ZP4: variants seen among roughly 807,000 people sequenced by gnomAD.
ZP4 encodes the protein zona pellucida glycoprotein 4.
ZP4 carries 62 observed loss-of-function variants against 62.3 expected under a neutral mutation model. The observed-to-expected ratio is 0.99, with a 90% CI of 0.81 to 1.23. The LOEUF is 1.23. Among genes scored for constraint, ZP4 ranks in the 50% most tolerant of loss-of-function variants. The pLI, the probability that ZP4 is intolerant of heterozygous loss-of-function variation, is 0.00. For missense variants in ZP4, 774 were observed against 656.0 expected, an observed-to-expected ratio of 1.18 and a Z score of -1.97; for synonymous variants, 289 against 247.3, an observed-to-expected ratio of 1.17 and a Z score of -1.58.
At chr1:237,883,763 GAGAGAGAGGA>G (rs1183885257) in intron 10 of ZP4, among the ~76,000 whole-genome samples, 12,836 of 44,460 alleles carry the variant, frequency 0.29, 2,188 homozygotes, top group Middle Eastern at 0.35. Context: ...GAGAGAGAGG[GAGAGAGAGGA>G]AGAGAGAGGA....
At position 237,885,568 on chromosome 1, in the gene ZP4, C is replaced by T. The variant is rs775909119; in HGVS notation, c.983G>A (p.Gly328Asp). Residue 328 changes from glycine to aspartate, a missense_variant, in exon 8 of 12, where the codon GGC (glycine) becomes GAC (aspartate). Transcript: ENST00000366570. ...ELQIAKDKNY[G>D]SYYGVGDYPV... ...GTAGTCACCAACACCGTAGTAAGAGCCATAGTTTTTATCTGCAAGAGGCAG... is the reference window on the plus strand; with the variant it reads ...GTAGTCACCAACACCGTAGTAAGAGTCATAGTTTTTATCTGCAAGAGGCAG... 1 of 1,612,876 alleles carries T rather than the reference C, an allele frequency of 6.2e-7. No homozygotes were observed. Among genetic ancestry groups the T allele is most frequent in the East Asian group, 2.2e-5 (1 of 44,876 alleles).
chr1:237,882,965 A>C, intron 10 of ZP4, 119 bp from the exon 11 acceptor site: 2 of 680,032 alleles, frequency 2.9e-6, no homozygotes, highest in Non-Finnish European at 2.4e-6. Context: ...CCTTACAAAA[A>C]CCTCATTAAG....
At position 237,885,413 on chromosome 1, in the gene ZP4, G is replaced by A. The variant is rs1288434504; in HGVS notation, c.1138C>T (p.Gln380Ter). 1 of 1,612,276 alleles carries A rather than the reference G, an allele frequency of 6.2e-7. No individual in the cohort carries two copies. The change falls in exon 8 of 12, where the codon CAG becomes TAG. Residue 380 changes from glutamine (Q) to a stop codon, truncating the protein, a stop_gained. Coordinates refer to ENST00000366570, the MANE Select transcript of ZP4 (RefSeq NM_021186.5). LOFTEE classifies it high-confidence loss of function. ...TACCCCTTTACCAGGATGGGCCACTGTGGCTGACTCAGGGGGTCAGTGCTG... is the reference window on the plus strand; with the variant it reads ...TACCCCTTTACCAGGATGGGCCACTATGGCTGACTCAGGGGGTCAGTGCTG... ...TPSTDPLSQP[Q>*]WPILVKGCPY... is the part of the protein sequence containing the mutation.
chr1:237,890,290 G>A (rs191031482), intron 1 of ZP4, 114 bp from the exon 2 acceptor site: 365 of 1,550,910 alleles, frequency 2.4e-4, no homozygotes, highest in Non-Finnish European at 2.8e-4. Context: ...AGGAACAAGA[G>A]GGAAATCAGA....
chr1:237,887,871 T>G (rs369783180), intron 4 of ZP4, among the ~76,000 whole-genome samples: 10 of 128,424 alleles, frequency 7.8e-5, no homozygotes, highest in African/African-American at 3.8e-4. Flanking sequence ...ATTAAGATCT[T>G]GGAATAGCGT....
rs899150734 is a variant in ZP4 at position 237,885,403 on chromosome 1, A to T, written c.1148T>A (p.Ile383Asn). The T allele has an allele frequency of 2.5e-6, 4 of 1,611,782 alleles. No homozygotes were observed. The Middle Eastern group carries it at 5.0e-4, about 200-fold the overall frequency. Residue 383 changes from isoleucine (I) to asparagine (N), a missense_variant, in exon 8 of 12, where the codon ATC (isoleucine) becomes AAC (asparagine). By Grantham distance (149) the Ile-to-Asn change is moderately radical. Transcript: ENST00000366570. ...TDPLSQPQWP[I>N]LVKGCPYIGD... ...AAGAACCACTTACCCCTTTACCAGG[A>T]TGGGCCACTGTGGCTGACTCAGGGG...
At chr1:237,888,625 G>T in intron 3 of ZP4, 115 bp from the exon 4 acceptor site, 3 of 998,278 alleles carry the variant, frequency 3.0e-6, no homozygotes, top group Non-Finnish European at 2.9e-6. Context: ...GATTGAAATA[G>T]GTGTCTACTC....
chr1:237,884,624 T>C, intron 10 of ZP4, 145 bp downstream of exon 10: 1 of 690,782 alleles, frequency 1.4e-6, no homozygotes, highest in Non-Finnish European at 2.4e-6. Flanking sequence ...AAGCTAGTCA[T>C]CTTTGTTCTA....
At position 237,886,861 on chromosome 1, in the gene ZP4, C is replaced by A; in HGVS notation, c.749G>T (p.Gly250Val). The A allele has an allele frequency of 6.2e-7, 1 of 1,613,680 alleles. No homozygotes were observed. The highest frequency in any genetic ancestry group is 8.5e-7 in the Non-Finnish European group (1 of 1,179,744). The part of the protein sequence containing the change: ...TSCGTTRQIT[G>V]DRAVYENELV... Reference sequence around the variant, plus strand: ...TTCATTTTCATATACTGCTCGGTCTCCAGTGATCTACAGGAATAGATGGAG... The same window carrying A: ...TTCATTTTCATATACTGCTCGGTCTACAGTGATCTACAGGAATAGATGGAG... The change falls in exon 6 of 12, where the codon GGA (glycine) becomes GTA (valine). Residue 250 changes from glycine (G) to valine (V), a missense_variant. Transcript: ENST00000366570.
chr1:237,885,197 G>A lies in ZP4; in HGVS notation c.1279C>T (p.Pro427Ser). 8 of 1,614,114 alleles carry A rather than the reference G, an allele frequency of 5.0e-6. No individual in the cohort carries two copies. The highest frequency in any genetic ancestry group is 6.8e-6 in the Non-Finnish European group (8 of 1,180,022). Residue 427 changes from proline to serine, a missense_variant, in exon 9 of 12, where the codon CCT becomes TCT. Transcript: ENST00000366570. ...FSIFTFSFVN[P>S]TVEKQALRGP... ...CTGAGGGCCTGTTTCTCCACTGTAG[G>A]GTTCACAAAGCTGAAGGTGAAGATG...
At chr1:237,886,139 T>A (rs1198107281) in intron 6 of ZP4, among the ~76,000 whole-genome samples, 4 of 151,974 alleles carry the variant, frequency 2.6e-5, no homozygotes, top group Admixed American at 1.3e-4. Context: ...ATAGAGAAGA[T>A]CAGGGAAGAC....
intron 10 of ZP4, among the ~76,000 whole-genome samples, chr1:237,883,989 C>CACACACACACACAA (rs1665015994): frequency 2.0e-5 from 1 of 49,060 alleles, no homozygotes; most frequent in African/African-American, 8.1e-5. Context: ...CACAAACACA[C>CACACACACACACAA]ACACACACAC....
At chr1:237,885,104 A>T in intron 9 of ZP4, 61 bp downstream of exon 9, 1 of 1,580,978 alleles carries the variant, frequency 6.3e-7, no homozygotes, top group Non-Finnish European at 8.6e-7. Context: ...AGGACATGGA[A>T]ACAGTTGTAA....
chr1:237,884,057 C>CACACACACACAA (rs1665036039), intron 10 of ZP4, among the ~76,000 whole-genome samples: 1 of 137,086 alleles, frequency 7.3e-6, no homozygotes, highest in African/African-American at 3.2e-5. Flanking sequence ...CACACAAACA[C>CACACACACACAA]ACACAAACAC....
chr1:237,890,068 T>C lies in ZP4; in HGVS notation c.284A>G (p.Tyr95Cys), dbSNP rs183324278. 355 of 1,614,020 alleles carry C rather than the reference T, an allele frequency of 2.2e-4. No homozygotes were observed. The highest frequency in any genetic ancestry group is 2.9e-4 in the Non-Finnish European group (338 of 1,180,024). ...GGTCATACTCACCCACTCAGTGACA[T>C]AGCAGCTGCTATAGGTTGCCTCCAA... ...VVLEATYSSC[Y>C]VTEWDSHYIM... Residue 95 changes from tyrosine (Y) to cysteine (C), a missense_variant, in exon 2 of 12, where the codon TAT becomes TGT. Coordinates refer to ENST00000366570, the MANE Select transcript of ZP4 (RefSeq NM_021186.5).
intron 10 of ZP4, 110 bp from the exon 11 acceptor site, chr1:237,882,956 C>G: frequency 1.4e-6 from 1 of 733,148 alleles, no homozygotes; most frequent in South Asian, 2.2e-5. Flanking sequence ...GGTTCTATGC[C>G]TTACAAAAAC....
Position 237,882,724 on chromosome 1 carries a change from T to C in ZP4, c.1495+18A>G. 2 of 1,611,596 alleles carry C rather than the reference T, an allele frequency of 1.2e-6. No individual in the cohort carries two copies. The highest frequency in any genetic ancestry group is 1.7e-6 in the Non-Finnish European group (2 of 1,178,608). ...AATTTAGTTCACTAGTTTGATCTCC[T>C]CCCTCTTGGATACTTACGGAGCTTT... On this transcript the variant is annotated intron_variant, in intron 11 of 11. Coordinates refer to ENST00000366570, the MANE Select transcript of ZP4 (RefSeq NM_021186.5).
rs1276601637 is a variant in ZP4, at chr1:237,887,303, G to T, written c.741+71C>A. On this transcript the variant is annotated intron_variant, in intron 5 of 11. Coordinates refer to ENST00000366570, the MANE Select transcript of ZP4 (RefSeq NM_021186.5). ...TATCGTTCACGGCCAACATATTTCAGCTCTCCCCCACTAGTCACTACAACC... is the reference window on the plus strand; with the variant it reads ...TATCGTTCACGGCCAACATATTTCATCTCTCCCCCACTAGTCACTACAACC... The T allele has an allele frequency of 2.6e-6, 4 of 1,535,762 alleles. No individual in the cohort carries two copies. The South Asian group carries it at 3.7e-5, about 14-fold the overall frequency.
rs1664949601 is a variant in ZP4, at chr1:237,882,864, CCT to C, written c.1391-20_1391-19del. ...TCTTCTTCCTGTTAGAGAAATGAGACCTAGTAATTCATTAGTTTTTGCACACA... is the reference window on the plus strand; with the variant it reads ...TCTTCTTCCTGTTAGAGAAATGAGACAGTAATTCATTAGTTTTTGCACACA... On this transcript the variant is annotated intron_variant, in intron 10 of 11. Transcript: ENST00000366570. 6.2e-7 allele frequency: 1 copy of C among 1,603,668 alleles called. No individual in the cohort carries two copies. The highest frequency in any genetic ancestry group is 1.3e-5 in the African/African-American group (1 of 74,648).
Sources: gnomAD v4.1 joint callset for allele counts (sites outside exome capture counted in the v4.1 genomes callset) on GRCh38, gnomAD v4.1.1 for gene constraint, MANE v1.5 for transcripts, NCBI Gene and HGNC (gene_info 2026-07-23, HGNC 2026-07-21) for gene names.